Variants in TSHZ2 observed in about 807,000 individuals in gnomAD.
TSHZ2 encodes the protein teashirt homolog 2.
In TSHZ2, 21 loss-of-function variants were observed where a neutral mutation model predicts 74.4. That is an observed-to-expected ratio of 0.28 (90% CI 0.20 to 0.41). TSHZ2 has a LOEUF of 0.41. TSHZ2 is among the 10% of genes least tolerant of loss of function. The pLI is 1.00. For missense variants in TSHZ2, 1,244 were observed against 1,293.5 expected (o/e 0.96, Z 0.59); for synonymous variants, 540 against 515.3 (o/e 1.05, Z -0.65).
chr20:53,013,963 C>G (rs998268322), intron 1 of TSHZ2, among the ~76,000 whole-genome samples: 4 of 152,162 alleles, frequency 2.6e-5, no homozygotes, highest in Non-Finnish European at 5.9e-5. Flanking sequence ...AGTTTACTTT[C>G]AATTTCCTGC....
chr20:53,391,665 G>A lies in TSHZ2; in HGVS notation c.*9-95479G>A, dbSNP rs150159454. 3.4e-3 allele frequency among the ~76,000 whole-genome samples: 515 copies of A among 152,194 alleles called. 6 individuals carry two copies. The highest frequency in any genetic ancestry group is 0.012 in the African/African-American group (492 of 41,540). ...TGATATTAAGAATGGCAAAATAGCC[G>A]AGCACAGTGGCTCTCGCCTGTAATC... On this transcript the variant is annotated intron_variant, in intron 2 of 2. Coordinates refer to ENST00000371497, the MANE Select transcript of TSHZ2 (RefSeq NM_173485.6).
At chr20:53,337,178 C>T (rs1411338026) in intron 2 of TSHZ2, among the ~76,000 whole-genome samples, 1 of 152,198 alleles carries the variant, frequency 6.6e-6, no homozygotes, top group Non-Finnish European at 1.5e-5. Flanking sequence ...GGAAAAGCTC[C>T]GTTTGGGCCT....
chr20:53,310,613 T>C (rs1978741682), intron 2 of TSHZ2, among the ~76,000 whole-genome samples: 1 of 152,248 alleles, frequency 6.6e-6, no homozygotes, highest in African/African-American at 2.4e-5. Context: ...ACATCGATGG[T>C]AAAATTCATT....
chr20:53,329,022 C>A (rs1003510571), intron 2 of TSHZ2, among the ~76,000 whole-genome samples: 1 of 152,118 alleles, frequency 6.6e-6, no homozygotes, highest in African/African-American at 2.4e-5. Flanking sequence ...AATGTATCAC[C>A]CAGGCAAGTA....
At chr20:53,360,902 T>C (rs1366413155) in intron 2 of TSHZ2, among the ~76,000 whole-genome samples, 4 of 152,248 alleles carry the variant, frequency 2.6e-5, no homozygotes, top group Non-Finnish European at 4.4e-5. Flanking sequence ...AGCTCTCTTC[T>C]ATTTTAGCTA....
At chr20:53,262,306 G>A (rs1026591230) in intron 2 of TSHZ2, among the ~76,000 whole-genome samples, 31 of 152,024 alleles carry the variant, frequency 2.0e-4, no homozygotes, top group African/African-American at 6.5e-4. Flanking sequence ...GTGGTAAATG[G>A]GAGAAAAAGC....
intron 1 of TSHZ2, among the ~76,000 whole-genome samples, chr20:53,122,896 C>A (rs189181621): frequency 6.6e-6 from 1 of 152,142 alleles, no homozygotes; most frequent in Non-Finnish European, 1.5e-5. Context: ...AATACATTTT[C>A]TTTTATTTCT....
chr20:53,306,222 C>A (rs1978538796), intron 2 of TSHZ2, among the ~76,000 whole-genome samples: 1 of 152,170 alleles, frequency 6.6e-6, no homozygotes, highest in Admixed American at 6.5e-5. Context: ...GTAGAGCCAC[C>A]ACCCAGCTCA....
intron 2 of TSHZ2, among the ~76,000 whole-genome samples, chr20:53,355,456 T>C (rs1980811988): frequency 6.6e-6 from 1 of 152,238 alleles, no homozygotes; most frequent in East Asian, 1.9e-4. Flanking sequence ...TTGTTCATAC[T>C]ATTATAATGA....
intron 2 of TSHZ2, among the ~76,000 whole-genome samples, chr20:53,479,470 G>A (rs759189669): frequency 1.3e-5 from 2 of 152,154 alleles, no homozygotes; most frequent in Non-Finnish European, 2.9e-5. Flanking sequence ...AGCAATATGG[G>A]TGGATTGAAT....
chr20:53,008,547 T>C (rs1600642908), intron 1 of TSHZ2, among the ~76,000 whole-genome samples: 1 of 143,692 alleles, frequency 7.0e-6, no homozygotes, highest in African/African-American at 2.5e-5. Flanking sequence ...TAAGAAAGGA[T>C]TATAATCACC....
At chr20:53,071,469 C>T (rs6091629) in intron 1 of TSHZ2, among the ~76,000 whole-genome samples, 3,815 of 152,320 alleles carry the variant, frequency 0.025, 151 homozygotes, top group African/African-American at 0.082. Context: ...AACACACTGA[C>T]GTTTTAAGTT....
chr20:53,268,021 C>G (rs147905204), intron 2 of TSHZ2, among the ~76,000 whole-genome samples: 183 of 152,230 alleles, frequency 1.2e-3, no homozygotes, highest in African/African-American at 4.1e-3. Flanking sequence ...TCTGGTGAAG[C>G]AAAGCAAAGT....
intron 2 of TSHZ2, among the ~76,000 whole-genome samples, chr20:53,411,555 A>ATG (rs1199311951): frequency 1.3e-5 from 2 of 152,188 alleles, no homozygotes; most frequent in African/African-American, 2.4e-5. Context: ...AAGGCTGAGG[A>ATG]TGATGGCTCA....
At chr20:53,304,628 CTTGT>C (rs142498857) in intron 2 of TSHZ2, among the ~76,000 whole-genome samples, 29 of 150,936 alleles carry the variant, frequency 1.9e-4, no homozygotes, top group East Asian at 5.8e-4. Flanking sequence ...TGTTTGTTTC[CTTGT>C]TTGTTTGTTT....
chr20:53,091,709 A>T (rs1336705775), intron 1 of TSHZ2, among the ~76,000 whole-genome samples: 2 of 152,174 alleles, frequency 1.3e-5, no homozygotes, highest in African/African-American at 4.8e-5. Flanking sequence ...AAAGCACTCC[A>T]TTATAGTGTA....
intron 1 of TSHZ2, among the ~76,000 whole-genome samples, chr20:53,128,487 G>A (rs767840039): frequency 2.0e-5 from 3 of 152,268 alleles, no homozygotes; most frequent in South Asian, 2.1e-4. Flanking sequence ...AACATTGGTA[G>A]TATGATGATA....
chr20:53,007,200 G>A (rs1982675045), intron 1 of TSHZ2, among the ~76,000 whole-genome samples: 1 of 152,152 alleles, frequency 6.6e-6, no homozygotes, highest in Non-Finnish European at 1.5e-5. Flanking sequence ...GGCTGAAGTG[G>A]CCTGGTGGAG....
At chr20:53,412,825 C>G (rs1028069867) in intron 2 of TSHZ2, 1 of 152,360 alleles carries the variant, frequency 6.6e-6, no homozygotes, top group Admixed American at 6.5e-5. Context: ...TCCAAGCAAG[C>G]GGATTCCTCC....
Sources: allele counts gnomAD v4.1 joint callset (sites outside exome capture counted in the v4.1 genomes callset), GRCh38; gene constraint gnomAD v4.1.1; transcripts MANE v1.5; gene names NCBI Gene and HGNC (gene_info 2026-07-23, HGNC 2026-07-21).